CDH4: variants seen among roughly 807,000 people sequenced by gnomAD.
The protein encoded by CDH4 is cadherin 4, also known as cadherin-4.
A neutral mutation model predicts 86.0 loss-of-function variants in CDH4; 33 were observed. That is an observed-to-expected ratio of 0.38 (90% confidence interval 0.29 to 0.51). The LOEUF (loss-of-function observed/expected upper bound fraction) is 0.51. Ranked by LOEUF, CDH4 falls within the 20% of genes least tolerant of loss-of-function variation. The probability of loss-of-function intolerance (pLI) is 0.86; values close to 1 mark genes in which losing one functional copy is unlikely to be tolerated. For missense variants in CDH4, 1,114 were observed against 1,307.4 expected, an observed-to-expected ratio of 0.85 and a Z score of 2.28; for synonymous variants, 555 against 549.4, an observed-to-expected ratio of 1.01 and a Z score of -0.14.
At chr20:61,521,399 G>A (rs1367570237) in intron 2 of CDH4, among the ~76,000 whole-genome samples, 1 of 152,164 alleles carries the variant, frequency 6.6e-6, no homozygotes, top group Non-Finnish European at 1.5e-5. Context: ...TGTAGGGATC[G>A]TAAGAAGATG....
intron 2 of CDH4, among the ~76,000 whole-genome samples, chr20:61,632,732 T>C (rs1200211539): frequency 6.8e-6 from 1 of 147,078 alleles, no homozygotes; most frequent in African/African-American, 2.5e-5. Context: ...CACTCACTCA[T>C]TCATACTTTT....
chr20:61,773,249 C>T lies in CDH4; in HGVS notation c.576+67C>T. On this transcript the variant is annotated intron_variant, in intron 4 of 15. Coordinates refer to ENST00000614565, the MANE Select transcript of CDH4 (RefSeq NM_001794.5). ...TAGCAGTAGGCTCTTCTCCCGACAT[C>T]CCAAAGCCAGGGGCGGGTTCCGCGT... The T allele has an allele frequency of 2.1e-6, 3 of 1,420,258 alleles. No homozygotes were observed. The South Asian group carries it at 4.4e-5, about 21-fold the overall frequency. The allele number at this position is 1,420,258 out of a possible 1,614,324, so 88.0% of individuals were successfully genotyped here. A position where few individuals can be genotyped will look rare whatever the true frequency, so the allele number is the denominator to read the frequency against.
chr20:61,276,316 A>G (rs1363733008), intron 2 of CDH4, among the ~76,000 whole-genome samples: 1 of 152,186 alleles, frequency 6.6e-6, no homozygotes, highest in Admixed American at 6.5e-5. Context: ...CAAACTCAAC[A>G]TATTTCCAGG....
intron 4 of CDH4, among the ~76,000 whole-genome samples, chr20:61,820,555 A>T (rs1039828921): frequency 6.6e-6 from 1 of 152,192 alleles, no homozygotes; most frequent in Non-Finnish European, 1.5e-5. Context: ...CAGCAGTCCC[A>T]CTGCACCCGC....
chr20:61,798,833 C>T (rs536079368), intron 4 of CDH4, among the ~76,000 whole-genome samples: 76 of 152,320 alleles, frequency 5.0e-4, no homozygotes, highest in African/African-American at 1.6e-3. Flanking sequence ...AGCCAGGACA[C>T]GGCGCTGGTC....
chr20:61,735,240 C>A (rs2088248053), intron 2 of CDH4, among the ~76,000 whole-genome samples: 1 of 152,210 alleles, frequency 6.6e-6, no homozygotes, highest in Non-Finnish European at 1.5e-5. Context: ...CCCGTCTCCC[C>A]AGCAGCTGGA....
intron 2 of CDH4, among the ~76,000 whole-genome samples, chr20:61,602,467 G>A (rs994736847): frequency 1.3e-5 from 2 of 151,954 alleles, no homozygotes; most frequent in African/African-American, 4.8e-5. Flanking sequence ...TGCTTAGGAG[G>A]GAAACGAAGC....
chr20:61,645,031 T>C (rs780339052), intron 2 of CDH4, among the ~76,000 whole-genome samples: 8 of 152,200 alleles, frequency 5.3e-5, no homozygotes, highest in Non-Finnish European at 1.0e-4. Flanking sequence ...AGTCTCTTCT[T>C]ACAAGGTCAC....
At position 61,651,106 on chromosome 20, in the gene CDH4, GA is replaced by G. The variant is rs374396124; in HGVS notation, c.170-92456del. Among the ~76,000 whole-genome samples, 462 of 152,076 alleles carry G rather than the reference GA, an allele frequency of 3.0e-3. 3 individuals are homozygous for G. The highest frequency in any genetic ancestry group is 0.014 in the Middle Eastern group (4 of 294). On this transcript the variant is annotated intron_variant, in intron 2 of 15. Transcript: ENST00000614565. ...CGTGCACTGGTGTGCTCGTGTCAGT[GA>G]GTTAGCACCGTGCTTGGCCGTGCAC...
rs905206418 is a variant in CDH4, at chr20:61,938,633, T to A, written c.*1690T>A. ...CACCTGCCACTGGGGTCAGGGAGTG[T>A]CTCGGGGTGCCTTTGGGGGCAGCAT... On this transcript the variant is annotated 3_prime_UTR_variant, in exon 16 of 16. Transcript: ENST00000614565. 3 of 152,314 alleles carry A rather than the reference T, an allele frequency of 2.0e-5. No homozygotes were observed. Among genetic ancestry groups the A allele is most frequent in the African/African-American group, 7.2e-5 (3 of 41,436 alleles). The allele number at this position is 152,314 out of a possible 1,614,324, so 9.4% of individuals were successfully genotyped here. A position where few individuals can be genotyped will look rare whatever the true frequency, so the allele number is the denominator to read the frequency against.
intron 2 of CDH4, among the ~76,000 whole-genome samples, chr20:61,470,959 TG>T (rs2085498618): frequency 6.6e-6 from 1 of 152,170 alleles, no homozygotes; most frequent in African/African-American, 2.4e-5. Flanking sequence ...TGAGGATTTT[TG>T]CATTAATATT....
intron 2 of CDH4, among the ~76,000 whole-genome samples, chr20:61,596,845 A>T (rs1333838985): frequency 2.0e-5 from 3 of 152,136 alleles, no homozygotes; most frequent in Non-Finnish European, 4.4e-5. Context: ...CCTTGATCCT[A>T]TTAGCAGCCT....
At chr20:61,731,878 G>C (rs1244483280) in intron 2 of CDH4, among the ~76,000 whole-genome samples, 1 of 152,154 alleles carries the variant, frequency 6.6e-6, no homozygotes, top group Non-Finnish European at 1.5e-5. Context: ...GCCTCTACTG[G>C]AGGGTGTGTC....
chr20:61,853,929 G>C (rs1481167853), intron 6 of CDH4, among the ~76,000 whole-genome samples: 1 of 152,178 alleles, frequency 6.6e-6, no homozygotes, highest in African/African-American at 2.4e-5. Context: ...CACCCCTAAA[G>C]TACAAGACAC....
chr20:61,789,603 G>C (rs1171190484), intron 4 of CDH4, among the ~76,000 whole-genome samples: 2 of 152,196 alleles, frequency 1.3e-5, no homozygotes, highest in Non-Finnish European at 2.9e-5. Context: ...GGAAATTGTT[G>C]ATGTGCTCCG....
intron 2 of CDH4, among the ~76,000 whole-genome samples, chr20:61,692,239 G>A (rs1431182919): frequency 1.0e-5 from 1 of 100,096 alleles, no homozygotes; most frequent in African/African-American, 2.9e-5. Flanking sequence ...GTGTGTGTAT[G>A]TATGTGTGTG....
At chr20:61,438,487 A>G (rs1252391729) in intron 2 of CDH4, among the ~76,000 whole-genome samples, 3 of 152,224 alleles carry the variant, frequency 2.0e-5, no homozygotes, top group African/African-American at 7.2e-5. Context: ...TTATGTGTGA[A>G]ATGCTGTCTT....
intron 2 of CDH4, among the ~76,000 whole-genome samples, chr20:61,653,626 G>C (rs2087151791): frequency 7.7e-6 from 1 of 130,626 alleles, no homozygotes; most frequent in African/African-American, 2.6e-5. Flanking sequence ...TCACTTCCCA[G>C]ACGGGGTGGC....
In CDH4 at chr20:61,262,964, TGAGAGAGA is replaced by T. The variant is rs11472416; in HGVS notation, c.169+8041_169+8048del. On this transcript the variant is annotated intron_variant, in intron 2 of 15. Coordinates refer to ENST00000614565, the MANE Select transcript of CDH4 (RefSeq NM_001794.5). The stretch of plus-strand genomic sequence containing the variant: ...GTAGATGCCAGGACTAATCATGAAC[TGAGAGAGA>T]GAGAGAGAGAGAGCAAGCAAGCATT... 4.0e-5 allele frequency among the ~76,000 whole-genome samples: 6 copies of T among 148,194 alleles called. No individual in the cohort carries two copies. The East Asian group carries it at 1.0e-3, about 25-fold the overall frequency.
Sources: gnomAD v4.1 joint callset for allele counts (sites outside exome capture counted in the v4.1 genomes callset) on GRCh38, gnomAD v4.1.1 for gene constraint, MANE v1.5 for transcripts, NCBI Gene and HGNC (gene_info 2026-07-23, HGNC 2026-07-21) for gene names.